The following DLG2 variants were observed in gnomAD, a reference collection of about 807,000 sequenced individuals.
The protein encoded by DLG2 is disks large homolog 2.
Under a neutral mutation model 132.5 loss-of-function variants are expected in DLG2, and 45 were observed. That is an observed-to-expected ratio of 0.34 (90% CI 0.27 to 0.44). DLG2 has a LOEUF of 0.44. DLG2 is among the 20% of genes least tolerant of loss of function. DLG2 has a pLI of 1.00. For missense variants in DLG2, 1,045 were observed against 1,196.9 expected, an observed-to-expected ratio of 0.87 and a Z score of 1.87; for synonymous variants, 424 against 419.6, an observed-to-expected ratio of 1.01 and a Z score of -0.13.
intron 19 of DLG2, among the ~76,000 whole-genome samples, chr11:83,556,999 C>G (rs1203125574): frequency 7.9e-6 from 1 of 126,704 alleles, no homozygotes; most frequent in East Asian, 2.3e-4. Context: ...TTTTTCCATC[C>G]CACAATCTCA....
intron 8 of DLG2, among the ~76,000 whole-genome samples, chr11:84,214,583 A>C (rs1220125920): frequency 1.3e-5 from 2 of 152,046 alleles, no homozygotes; most frequent in East Asian, 3.9e-4. Context: ...AAATTACGTA[A>C]AATTAAATTT....
At chr11:83,529,406 G>T (rs1005928684) in intron 21 of DLG2, among the ~76,000 whole-genome samples, 2 of 151,976 alleles carry the variant, frequency 1.3e-5, no homozygotes, top group Non-Finnish European at 2.9e-5. Flanking sequence ...TCTTATTGAC[G>T]TATTTTCTCA....
intron 7 of DLG2, among the ~76,000 whole-genome samples, chr11:84,502,310 CTT>C (rs2099217240): frequency 5.6e-4 from 2 of 3,590 alleles, no homozygotes; most frequent in Non-Finnish European, 1.0e-3. Context: ...TTCTTTCTTT[CTT>C]TCTTTCTTTC....
At position 83,906,290 on chromosome 11, in the gene DLG2, C is replaced by G. The variant is rs1230279992; in HGVS notation, c.1496+24038G>C. ...ACACACACACACACACACACACACA[C>G]ACACACACACACACACACACACACA... is the stretch of plus-strand genomic sequence containing the variant. On this transcript the variant is annotated intron_variant, in intron 15 of 27. Transcript: ENST00000376104. Among the ~76,000 whole-genome samples the G allele has an allele frequency of 6.8e-5, 10 of 146,476 alleles. 1 individual carries two copies. Among genetic ancestry groups the G allele is most frequent in the African/African-American group, 2.3e-4 (9 of 39,738 alleles).
chr11:84,141,456 TAAAC>T (rs1222182961), intron 9 of DLG2, among the ~76,000 whole-genome samples: 12 of 152,268 alleles, frequency 7.9e-5, no homozygotes, highest in Middle Eastern at 3.4e-3. Context: ...CATATATGCA[TAAAC>T]AAACACACAC....
At chr11:85,466,841 G>C (rs559366599) in intron 3 of DLG2, among the ~76,000 whole-genome samples, 3 of 152,246 alleles carry the variant, frequency 2.0e-5, no homozygotes, top group South Asian at 2.1e-4. Context: ...TTCCAATTCT[G>C]TGAAGAAAGT....
intron 17 of DLG2, among the ~76,000 whole-genome samples, chr11:83,805,508 A>G (rs1371417504): frequency 6.6e-6 from 1 of 151,970 alleles, no homozygotes; most frequent in Non-Finnish European, 1.5e-5. Flanking sequence ...GCATGATATT[A>G]TATCTCATTA....
chr11:84,933,189 G>A (rs1826975771), intron 6 of DLG2, among the ~76,000 whole-genome samples: 1 of 152,010 alleles, frequency 6.6e-6, no homozygotes, highest in Non-Finnish European at 1.5e-5. Flanking sequence ...TAGGTGTTCA[G>A]TCTTATTTCT....
intron 7 of DLG2, among the ~76,000 whole-genome samples, chr11:84,502,222 CCTTCCT>C (rs1209119525): frequency 0.013 from 165 of 12,808 alleles, 27 homozygotes; most frequent in Non-Finnish European, 8.0e-3. Flanking sequence ...TTCCTTCCTT[CCTTCCT>C]TCCTTCCTTC....
chr11:84,316,934 C>T lies in DLG2; in HGVS notation c.520-65643G>A, dbSNP rs539590592. ...TTTCCGCACACTGTCCCACAAGGTC[C>T]TGTTGAAGCTGGACCCCCCGGTCCT... On this transcript the variant is annotated intron_variant, in intron 7 of 27. Coordinates refer to ENST00000376104, the MANE Select transcript of DLG2 (RefSeq NM_001142699.3). 3.1e-6 allele frequency: 5 copies of T among 1,612,846 alleles called. No homozygotes were observed. The South Asian group carries it at 4.4e-5, about 14-fold the overall frequency.
intron 6 of DLG2, among the ~76,000 whole-genome samples, chr11:85,093,060 A>G (rs2069067144): frequency 6.6e-6 from 1 of 152,184 alleles, no homozygotes. Flanking sequence ...CACTCCTTTT[A>G]GACATTGATT....
At chr11:85,111,552 G>C (rs928240485) in intron 6 of DLG2, 109 bp downstream of exon 6, 1 of 777,344 alleles carries the variant, frequency 1.3e-6, no homozygotes, top group African/African-American at 1.8e-5. Flanking sequence ...CAAAATATTT[G>C]CTTTACTCCA....
At position 85,027,007 on chromosome 11, in the gene DLG2, C is replaced by A. The variant is rs959296482; in HGVS notation, c.357+84654G>T. 1.9e-4 allele frequency among the ~76,000 whole-genome samples: 29 copies of A among 151,696 alleles called. 2 individuals are homozygous for A. The highest frequency in any genetic ancestry group is 5.9e-5 in the Non-Finnish European group (4 of 67,944). On this transcript the variant is annotated intron_variant, in intron 6 of 27. Coordinates refer to ENST00000376104, the MANE Select transcript of DLG2 (RefSeq NM_001142699.3). ...TAATAACAAAGGATTATAAATAATA[C>A]AAATACTTATTAATAGATAAATGGT...
At chr11:84,223,884 A>C (rs1358692445) in intron 8 of DLG2, among the ~76,000 whole-genome samples, 1 of 152,118 alleles carries the variant, frequency 6.6e-6, no homozygotes, top group Admixed American at 6.6e-5. Context: ...ATCATGCACA[A>C]ATATAAAGAC....
intron 6 of DLG2, among the ~76,000 whole-genome samples, chr11:84,624,776 C>CA (rs1439073511): frequency 6.6e-6 from 1 of 150,548 alleles, no homozygotes; most frequent in Non-Finnish European, 1.5e-5. Context: ...ACCACTCCCT[C>CA]ATCTTAAGAC....
intron 3 of DLG2, among the ~76,000 whole-genome samples, chr11:85,455,204 A>G (rs2153047853): frequency 6.6e-6 from 1 of 152,226 alleles, no homozygotes; most frequent in Middle Eastern, 3.4e-3. Flanking sequence ...TTCTTGGAGT[A>G]GCGTTTTGTA....
intron 6 of DLG2, among the ~76,000 whole-genome samples, chr11:85,012,837 G>C (rs950765066): frequency 3.9e-5 from 6 of 152,072 alleles, no homozygotes; most frequent in African/African-American, 9.7e-5. Context: ...TAAAAAACTT[G>C]ATTTGAATTC....
intron 6 of DLG2, among the ~76,000 whole-genome samples, chr11:84,771,831 A>G (rs1363833548): frequency 6.6e-6 from 1 of 152,162 alleles, no homozygotes; most frequent in Non-Finnish European, 1.5e-5. Context: ...TGCCTCACGT[A>G]AAATGCACAG....
At chr11:83,493,147 A>G (rs2093954068) in intron 21 of DLG2, among the ~76,000 whole-genome samples, 1 of 152,002 alleles carries the variant, frequency 6.6e-6, no homozygotes, top group African/African-American at 2.4e-5. Context: ...GATTTCCTTG[A>G]ATCTTGATTC....
Sources: allele counts gnomAD v4.1 joint callset (sites outside exome capture counted in the v4.1 genomes callset), GRCh38; gene constraint gnomAD v4.1.1; transcripts MANE v1.5; gene names NCBI Gene and HGNC (gene_info 2026-07-23, HGNC 2026-07-21).